LNPEP: variants seen among roughly 807,000 people sequenced by gnomAD.
LNPEP encodes the protein leucyl and cystinyl aminopeptidase.
A neutral mutation model predicts 120.6 loss-of-function variants in LNPEP; 64 were observed. The ratio of observed to expected loss-of-function variants is 0.53; its 90% confidence interval spans 0.43 to 0.65. The LOEUF is 0.65. Among genes scored for constraint, LNPEP ranks in the 30% least tolerant of loss-of-function variants. LNPEP has a pLI of 0.00. For missense variants in LNPEP, 1,057 were observed against 1,200.0 expected (o/e 0.88, Z 1.76); for synonymous variants, 435 against 425.4 (o/e 1.02, Z -0.28).
At chr5:96,944,560 CTTTTTTTTTTT>C (rs60017687) in intron 1 of LNPEP, among the ~76,000 whole-genome samples, 2 of 56,374 alleles carry the variant, frequency 3.5e-5, no homozygotes, top group Non-Finnish European at 6.6e-5. Context: ...CTTATTTTTG[CTTTTTTTTTTT>C]TTTTTTTTTT....
chr5:97,024,641 A>G lies in LNPEP; in HGVS notation c.2682A>G (p.Leu894=). 1 of 1,614,104 alleles carries G rather than the reference A, an allele frequency of 6.2e-7. No individual in the cohort carries two copies. The highest frequency in any genetic ancestry group is 8.5e-7 in the Non-Finnish European group (1 of 1,179,952). The change falls in exon 15 of 18, where the codon CTA becomes CTG. Residue 894 remains leucine, a synonymous_variant. Transcript: ENST00000231368. The stretch of plus-strand genomic sequence containing the variant: ...CTGAAGCAGAGAAGAACAAAATACT[A>G]GAAGCACTTGCCAGCTCAGAGGATG... The part of the protein sequence containing the change: ...IGSEAEKNKI[L]EALASSEDVR...
rs549804787 is a variant in LNPEP, at chr5:97,033,926, G to C, written c.*5393G>C. ...GTATATGGGCAATAATTTTAAAGTA[G>C]TTTGGATTTTTTTAAGTTTTGAGGG... is the stretch of plus-strand genomic sequence containing the variant. On this transcript the variant is annotated 3_prime_UTR_variant, in exon 18 of 18. Transcript: ENST00000231368. 3.3e-5 allele frequency: 5 copies of C among 152,048 alleles called. No homozygotes were observed. In the East Asian group the frequency reaches 9.7e-4, roughly 29 times the overall value. 9.4% of individuals were successfully genotyped at this position (152,048 alleles called of 1,614,324 possible).
intron 14 of LNPEP, among the ~76,000 whole-genome samples, chr5:97,023,685 G>C (rs1791269318): frequency 6.6e-6 from 1 of 152,134 alleles, no homozygotes; most frequent in Non-Finnish European, 1.5e-5. Flanking sequence ...ATAATGCCAT[G>C]AACATTGGTG....
intron 1 of LNPEP, among the ~76,000 whole-genome samples, chr5:96,952,782 G>C (rs1410376837): frequency 7.0e-6 from 1 of 142,490 alleles, no homozygotes; most frequent in Admixed American, 7.0e-5. Flanking sequence ...CAACACCCCA[G>C]CCCCTCAACG....
At chr5:96,996,194 AT>A (rs1211714947) in intron 6 of LNPEP, 195 bp from the exon 7 acceptor site, 3 of 402,428 alleles carry the variant, frequency 7.5e-6, no homozygotes, top group Non-Finnish European at 1.3e-5. Flanking sequence ...ATTATATTTT[AT>A]TTTTAAAGTA....
chr5:96,983,971 T>G (rs1295306201), intron 2 of LNPEP, among the ~76,000 whole-genome samples: 1 of 149,420 alleles, frequency 6.7e-6, no homozygotes, highest in African/African-American at 2.6e-5. Flanking sequence ...CCACCCTTCT[T>G]AATAATCTTC....
At position 97,032,739 on chromosome 5, in the gene LNPEP, A is replaced by G. The variant is rs1479480775; in HGVS notation, c.*4206A>G. ...TGTTATTTCATTTTGTATTTCATTC[A>G]TCCATTTTGTGGACGTGTAGATAAA... On this transcript the variant is annotated 3_prime_UTR_variant, in exon 18 of 18. Transcript: ENST00000231368. 1 of 152,204 alleles carries G rather than the reference A, an allele frequency of 6.6e-6. No individual in the cohort carries two copies. Among genetic ancestry groups the G allele is most frequent in the African/African-American group, 2.4e-5 (1 of 41,462 alleles). The allele number at this position is 152,204 out of a possible 1,614,324, so 9.4% of individuals were successfully genotyped here. A position where few individuals can be genotyped will look rare whatever the true frequency, so the allele number is the denominator to read the frequency against.
rs142059837 is a variant in LNPEP, at chr5:96,952,549, C to G, written c.19+16375C>G. 5.4e-4 allele frequency among the ~76,000 whole-genome samples: 82 copies of G among 152,228 alleles called. No individual in the cohort carries two copies. The East Asian group carries it at 0.014, about 27-fold the overall frequency. On this transcript the variant is annotated intron_variant, in intron 1 of 17. Coordinates refer to ENST00000231368, the MANE Select transcript of LNPEP (RefSeq NM_005575.3). ...GGGCAGCAAGTTTCTTAAGATAGAT[C>G]TAGGTCACAGGAGGGGAATGTTCTG...
chr5:96,953,490 C>T (rs540351733), intron 1 of LNPEP, among the ~76,000 whole-genome samples: 3 of 152,316 alleles, frequency 2.0e-5, no homozygotes, highest in African/African-American at 7.2e-5. Flanking sequence ...CCTTCTCCCA[C>T]GTTTCTCAGA....
intron 1 of LNPEP, among the ~76,000 whole-genome samples, chr5:96,971,890 T>A (rs1789872841): frequency 6.6e-6 from 1 of 152,086 alleles, no homozygotes; most frequent in African/African-American, 2.4e-5. Flanking sequence ...TCTTCAGGGA[T>A]TCTTTTTTAT....
rs1411354219 is a variant in LNPEP at position 97,031,898 on chromosome 5, A to AAC, written c.*3366_*3367insCA. 5.3e-5 allele frequency: 8 copies of AAC among 151,000 alleles called. No individual in the cohort carries two copies. Among genetic ancestry groups the AAC allele is most frequent in the South Asian group, 2.1e-4 (1 of 4,760 alleles). 9.4% of individuals were successfully genotyped at this position (151,000 alleles called of 1,614,324 possible). A position where few individuals can be genotyped will look rare whatever the true frequency, so the allele number is the denominator to read the frequency against. On this transcript the variant is annotated 3_prime_UTR_variant, in exon 18 of 18. Transcript: ENST00000231368. ...AGACTGTCTCAAAAAACAAAAAACAAAAAAAAAAGAGTTAAGTGTTGATTT... is the reference window on the plus strand; with the variant it reads ...AGACTGTCTCAAAAAACAAAAAACAAACAAAAAAAAGAGTTAAGTGTTGATTT...
At chr5:96,981,259 T>C (rs534107872) in intron 2 of LNPEP, among the ~76,000 whole-genome samples, 2 of 152,326 alleles carry the variant, frequency 1.3e-5, no homozygotes, top group South Asian at 2.1e-4. Context: ...CTTTGAATTA[T>C]AGTTTTCAGA....
rs142267789 is a variant in LNPEP at position 97,023,052 on chromosome 5, T to C, written c.2561+568T>C. Among the ~76,000 whole-genome samples, 1,029 of 152,128 alleles carry C rather than the reference T, an allele frequency of 6.8e-3. 27 individuals carry two copies. The highest frequency in any genetic ancestry group is 0.046 in the Admixed American group (702 of 15,274). ...TTGCAAAACTGAAACTCTGTACCCA[T>C]TGAATAATTCCTCACTCCCTCTCCC... On this transcript the variant is annotated intron_variant, in intron 14 of 17. Transcript: ENST00000231368.
rs951503782 is a variant in LNPEP at position 97,033,879 on chromosome 5, G to C, written c.*5346G>C. 1 of 151,772 alleles carries C rather than the reference G, an allele frequency of 6.6e-6. No homozygotes were observed. The highest frequency in any genetic ancestry group is 1.5e-5 in the Non-Finnish European group (1 of 67,980). 9.4% of individuals were successfully genotyped at this position (151,772 alleles called of 1,614,324 possible). On this transcript the variant is annotated 3_prime_UTR_variant, in exon 18 of 18. Transcript: ENST00000231368. Reference sequence around the variant, plus strand: ...TGGAGTTATGGATGTATAACAATCTGTTCTCCCTTTACCCTTTTAATGTAT... The same window carrying C: ...TGGAGTTATGGATGTATAACAATCTCTTCTCCCTTTACCCTTTTAATGTAT...
At chr5:97,012,788 A>G (rs938317691) in intron 11 of LNPEP, among the ~76,000 whole-genome samples, 4 of 152,172 alleles carry the variant, frequency 2.6e-5, no homozygotes, top group Non-Finnish European at 5.9e-5. Context: ...ACATAATTCC[A>G]TGGAAATTTC....
At chr5:96,984,167 G>C (rs1009353820) in intron 2 of LNPEP, among the ~76,000 whole-genome samples, 2 of 152,168 alleles carry the variant, frequency 1.3e-5, no homozygotes, top group Non-Finnish European at 2.9e-5. Flanking sequence ...GAACTGGGAA[G>C]AGACTTTTTA....
intron 7 of LNPEP, among the ~76,000 whole-genome samples, chr5:96,997,625 G>GT (rs1236989588): frequency 1.2e-4 from 18 of 152,062 alleles, no homozygotes; most frequent in Non-Finnish European, 4.4e-5. Flanking sequence ...AGAAATCAGC[G>GT]TAAGGACCAG....
chr5:96,996,938 C>T (rs913716666), intron 7 of LNPEP, among the ~76,000 whole-genome samples: 2 of 152,008 alleles, frequency 1.3e-5, no homozygotes, highest in African/African-American at 4.8e-5. Context: ...TCTATTATCA[C>T]TGTGTACATT....
At chr5:96,954,568 G>T in intron 1 of LNPEP, among the ~76,000 whole-genome samples, 1 of 147,296 alleles carries the variant, frequency 6.8e-6, no homozygotes, top group South Asian at 2.1e-4. Context: ...CTGAAGTGTT[G>T]CATATTCCTC....
Sources: allele counts gnomAD v4.1 joint callset (sites outside exome capture counted in the v4.1 genomes callset), GRCh38; gene constraint gnomAD v4.1.1; transcripts MANE v1.5; gene names NCBI Gene and HGNC (gene_info 2026-07-23, HGNC 2026-07-21).